GRM7: variants seen among roughly 807,000 people sequenced by gnomAD.
GRM7 encodes metabotropic glutamate receptor 7.
A neutral mutation model predicts 84.5 loss-of-function variants in GRM7; 35 were observed. The ratio of observed to expected loss-of-function variants is 0.41; its 90% CI spans 0.32 to 0.55. GRM7 has a LOEUF of 0.55. Among genes scored for constraint, GRM7 ranks in the 20% least tolerant of loss-of-function variants. GRM7 has a pLI of 0.19. For synonymous variants in GRM7, 487 were observed against 455.1 expected (o/e 1.07, Z -0.89); for missense variants, 1,003 against 1,194.6 (o/e 0.84, Z 2.36).
intron 8 of GRM7, among the ~76,000 whole-genome samples, chr3:7,648,716 ATGT>A (rs1303821658): frequency 1.3e-5 from 2 of 152,042 alleles, no homozygotes; most frequent in Non-Finnish European, 2.9e-5. Context: ...GAGAAGTCTA[ATGT>A]TGTGAAAATA....
chr3:6,998,342 C>A (rs1306865140), intron 1 of GRM7, among the ~76,000 whole-genome samples: 7 of 152,130 alleles, frequency 4.6e-5, no homozygotes, highest in Admixed American at 3.9e-4. Context: ...GCTGTCATGA[C>A]CTTGGGCAGC....
At chr3:7,324,880 C>A (rs1306268008) in intron 4 of GRM7, among the ~76,000 whole-genome samples, 1 of 152,152 alleles carries the variant, frequency 6.6e-6, no homozygotes. Context: ...CTTGGCCCAG[C>A]ACCTGTAGAA....
intron 1 of GRM7, among the ~76,000 whole-genome samples, chr3:6,959,792 A>G (rs1321152291): frequency 6.6e-6 from 1 of 152,176 alleles, no homozygotes; most frequent in Non-Finnish European, 1.5e-5. Context: ...TGCAGACTCT[A>G]TTAATGCTCA....
At chr3:7,086,718 C>T (rs952066430) in intron 1 of GRM7, among the ~76,000 whole-genome samples, 8 of 152,210 alleles carry the variant, frequency 5.3e-5, no homozygotes, top group Non-Finnish European at 7.4e-5. Context: ...AAGACTTTAG[C>T]ATGTGTTCAT....
At chr3:7,581,463 G>A (rs1373155721) in intron 8 of GRM7, among the ~76,000 whole-genome samples, 5 of 152,144 alleles carry the variant, frequency 3.3e-5, no homozygotes, top group South Asian at 4.1e-4. Flanking sequence ...ATTATTACAT[G>A]AAAATGCACA....
chr3:6,939,462 G>C (rs1697812867), intron 1 of GRM7, among the ~76,000 whole-genome samples: 1 of 151,732 alleles, frequency 6.6e-6, no homozygotes, highest in African/African-American at 2.4e-5. Context: ...TATTCACATT[G>C]TTATTTTGGG....
intron 8 of GRM7, among the ~76,000 whole-genome samples, chr3:7,650,316 T>C (rs1698873374): frequency 6.6e-6 from 1 of 152,156 alleles, no homozygotes; most frequent in Non-Finnish European, 1.5e-5. Flanking sequence ...AGCCTCCCTT[T>C]CTGATCTGAA....
intron 4 of GRM7, among the ~76,000 whole-genome samples, chr3:7,316,403 AT>A (rs1700584220): frequency 2.6e-5 from 4 of 152,108 alleles, no homozygotes; most frequent in Admixed American, 2.6e-4. Flanking sequence ...GAGACTGGTA[AT>A]GAGGTTATTC....
chr3:7,334,044 A>G (rs189204884), intron 4 of GRM7, among the ~76,000 whole-genome samples: 18 of 152,276 alleles, frequency 1.2e-4, no homozygotes, highest in African/African-American at 4.3e-4. Context: ...TTAAGGGAAT[A>G]ATCAAGGAAA....
intron 4 of GRM7, among the ~76,000 whole-genome samples, chr3:7,336,228 G>A (rs1701415123): frequency 6.6e-6 from 1 of 151,878 alleles, no homozygotes; most frequent in Non-Finnish European, 1.5e-5. Flanking sequence ...GGGATGCAGG[G>A]TTGGTTTAAC....
intron 4 of GRM7, among the ~76,000 whole-genome samples, chr3:7,356,393 C>T (rs1371728989): frequency 6.7e-6 from 1 of 148,962 alleles, no homozygotes; most frequent in Non-Finnish European, 1.5e-5. Context: ...CCTCTACCTC[C>T]CAAATTCAAG....
At chr3:7,365,629 ATGTGTGTGTGCGTGTGTG>A (rs1299481679) in intron 4 of GRM7, among the ~76,000 whole-genome samples, 1 of 133,964 alleles carries the variant, frequency 7.5e-6, no homozygotes, top group Admixed American at 7.7e-5. Flanking sequence ...TTTAATATGC[ATGTGTGTGTGCGTGTGTG>A]TATATATATA....
At chr3:7,603,861 G>A (rs1170717931) in intron 8 of GRM7, among the ~76,000 whole-genome samples, 1 of 152,124 alleles carries the variant, frequency 6.6e-6, no homozygotes, top group East Asian at 1.9e-4. Context: ...GGATGTTACA[G>A]CCAATTCAAA....
Position 6,861,733 on chromosome 3 carries a change from G to T in GRM7, c.345G>T (p.Ala115=). The T allele has an allele frequency of 6.2e-7, 1 of 1,614,214 alleles. No individual in the cohort carries two copies. Among genetic ancestry groups the T allele is most frequent in the Non-Finnish European group, 8.5e-7 (1 of 1,180,044 alleles). The change falls in exon 1 of 10, where the codon GCG becomes GCT. Residue 115 remains alanine, a synonymous_variant. Coordinates refer to ENST00000357716, the MANE Select transcript of GRM7 (RefSeq NM_000844.4). The surrounding 1 kb of genome is among the most constrained non-coding windows in gnomAD (Gnocchi z 6.4). The part of the protein sequence containing the change: ...ILDTCSRDTY[A]LEQSLTFVQA... ...ACACTTGTTCCAGGGACACTTACGC[G>T]CTCGAACAGTCGCTTACTTTCGTCC...
intron 4 of GRM7, among the ~76,000 whole-genome samples, chr3:7,329,104 T>C (rs1304407441): frequency 6.6e-6 from 1 of 152,106 alleles, no homozygotes; most frequent in East Asian, 1.9e-4. Flanking sequence ...ACATTAGTGT[T>C]AATCATAACC....
chr3:7,202,569 G>T (rs1696101842), intron 2 of GRM7, among the ~76,000 whole-genome samples: 1 of 152,086 alleles, frequency 6.6e-6, no homozygotes, highest in Non-Finnish European at 1.5e-5. Context: ...GACCTCAAGT[G>T]ATCTGCCCAC....
intron 7 of GRM7, among the ~76,000 whole-genome samples, chr3:7,522,461 G>T (rs1110863): frequency 0.61 from 93,303 of 151,832 alleles, 29,709 homozygotes; most frequent in African/African-American, 0.79. Flanking sequence ...CATTGCTACT[G>T]CCTTGTAGAG....
At chr3:7,537,702 T>C (rs1692630579) in intron 7 of GRM7, among the ~76,000 whole-genome samples, 1 of 152,216 alleles carries the variant, frequency 6.6e-6, no homozygotes, top group Admixed American at 6.5e-5. Flanking sequence ...AAAGATGGAA[T>C]GCATAAGCTT....
chr3:6,982,356 C>A (rs1451718261), intron 1 of GRM7, among the ~76,000 whole-genome samples: 1 of 152,086 alleles, frequency 6.6e-6, no homozygotes, highest in Non-Finnish European at 1.5e-5. Context: ...CTATGCTCAG[C>A]AACTGGATGA....
Sources: allele counts gnomAD v4.1 joint callset (sites outside exome capture counted in the v4.1 genomes callset), GRCh38; gene constraint gnomAD v4.1.1; non-coding constraint Gnocchi (gnomAD v3.1); transcripts MANE v1.5; gene names NCBI Gene and HGNC (gene_info 2026-07-23, HGNC 2026-07-21).